The following RABGEF1 variants were observed in gnomAD, a reference collection of about 807,000 sequenced individuals.
RABGEF1 encodes RAB guanine nucleotide exchange factor 1, also known as rab5 GDP/GTP exchange factor.
A neutral mutation model predicts 57.3 loss-of-function variants in RABGEF1; 26 were observed. That is an observed-to-expected ratio of 0.45 (90% CI 0.33 to 0.63). The LOEUF (loss-of-function observed/expected upper bound fraction) is 0.63. RABGEF1 is among the 20% of genes least tolerant of loss of function. The pLI, the probability that RABGEF1 is intolerant of heterozygous loss-of-function variation, is 0.02. For synonymous variants in RABGEF1, 185 were observed against 210.7 expected (o/e 0.88, Z 1.06); for missense variants, 464 against 607.6 (o/e 0.76, Z 2.48).
intron 1 of RABGEF1, among the ~76,000 whole-genome samples, chr7:66,698,853 G>A (rs1009449500): frequency 6.6e-6 from 1 of 152,138 alleles, no homozygotes; most frequent in African/African-American, 2.4e-5. Flanking sequence ...TTCTAACCTC[G>A]GTTTTCCTCA....
At chr7:66,726,485 C>G (rs1796596076) in intron 2 of RABGEF1, among the ~76,000 whole-genome samples, 2 of 152,132 alleles carry the variant, frequency 1.3e-5, no homozygotes, top group African/African-American at 4.8e-5. Context: ...CCACCTCAGC[C>G]TCCAAGTAGC....
chr7:66,693,811 CT>C (rs534419507), intron 1 of RABGEF1, among the ~76,000 whole-genome samples: 324 of 141,650 alleles, frequency 2.3e-3, no homozygotes, highest in Middle Eastern at 3.6e-3. Flanking sequence ...CCTTTTTTTT[CT>C]TTTTTTTTTT....
the RABGEF1 span, among the ~76,000 whole-genome samples, chr7:66,655,644 A>G: frequency 6.6e-6 from 1 of 152,080 alleles, no homozygotes. Context: ...TGCTGGGATT[A>G]TAGGCGTCAG....
intron 1 of RABGEF1, among the ~76,000 whole-genome samples, chr7:66,757,357 T>G (rs1346181651): frequency 7.9e-5 from 12 of 152,250 alleles, no homozygotes; most frequent in Admixed American, 6.5e-5. Context: ...AATTCTTTTT[T>G]AAAGTTAGCC....
intron 3 of RABGEF1, 71 bp from the exon 4 acceptor site, chr7:66,783,604 A>G (rs1370895847): frequency 2.3e-6 from 3 of 1,299,232 alleles, no homozygotes; most frequent in Non-Finnish European, 3.1e-6. Context: ...ACCTTAGGTA[A>G]GATACTTAAA....
At chr7:66,657,564 A>C in the RABGEF1 span, among the ~76,000 whole-genome samples, 1 of 152,234 alleles carries the variant, frequency 6.6e-6, no homozygotes, top group African/African-American at 2.4e-5. Context: ...GCTCATGCCA[A>C]CATCCCAGTA....
At chr7:66,798,118 A>G (rs1032827190) in intron 6 of RABGEF1, among the ~76,000 whole-genome samples, 4 of 152,194 alleles carry the variant, frequency 2.6e-5, no homozygotes, top group Admixed American at 6.5e-5. Context: ...CTCCTTCTCA[A>G]AAAAATAACA....
chr7:66,764,951 T>C lies in RABGEF1; in HGVS notation c.-17-6932T>C, dbSNP rs562262945. Among the ~76,000 whole-genome samples, 75 of 152,348 alleles carry C rather than the reference T, an allele frequency of 4.9e-4. 1 individual carries two copies. The South Asian group carries it at 0.012, about 24-fold the overall frequency. On this transcript the variant is annotated intron_variant, in intron 1 of 8. Transcript: ENST00000284957. The stretch of plus-strand genomic sequence containing the variant: ...TTGGCCATTCTGGGCCCTTGTTATC[T>C]TCTGCATTTTAGAGTTCATGTGCTT...
upstream of RABGEF1, among the ~76,000 whole-genome samples, chr7:66,680,720 GT>G (rs1364652925): frequency 6.6e-6 from 1 of 152,134 alleles, no homozygotes; most frequent in Admixed American, 6.5e-5. Context: ...ACCAAGGCAG[GT>G]GGATGATTTG....
intron 1 of RABGEF1, among the ~76,000 whole-genome samples, chr7:66,699,519 C>T (rs1398943184): frequency 1.3e-5 from 2 of 152,072 alleles, no homozygotes; most frequent in East Asian, 3.9e-4. Context: ...GGTGAAACCC[C>T]GTCTCTACTA....
At chr7:66,658,007 C>T in the RABGEF1 span, among the ~76,000 whole-genome samples, 1 of 152,010 alleles carries the variant, frequency 6.6e-6, no homozygotes, top group African/African-American at 2.4e-5. Flanking sequence ...GTTTTTTTTA[C>T]AGTTCAGCAA....
chr7:66,682,088 T>A (rs1789807881), upstream of RABGEF1: 1 of 167,956 alleles, frequency 6.0e-6, no homozygotes, highest in African/African-American at 2.4e-5. Context: ...CGCCGTGCGT[T>A]ACGGGCGTGC....
chr7:66,722,199 T>G (rs1256511264), intron 2 of RABGEF1, among the ~76,000 whole-genome samples: 2 of 152,046 alleles, frequency 1.3e-5, no homozygotes, highest in African/African-American at 2.4e-5. Flanking sequence ...CCCAGCACTC[T>G]GGGGGGCTGT....
intron 1 of RABGEF1, among the ~76,000 whole-genome samples, chr7:66,685,153 C>CTTTTTT (rs545055892): frequency 1.7e-4 from 17 of 101,092 alleles, no homozygotes; most frequent in Non-Finnish European, 2.1e-4. Flanking sequence ...GGATTATTTG[C>CTTTTTT]TTTTTTTTTT....
At chr7:66,755,534 TA>T (rs1802509565) in intron 1 of RABGEF1, among the ~76,000 whole-genome samples, 1 of 152,134 alleles carries the variant, frequency 6.6e-6, no homozygotes, top group South Asian at 2.1e-4. Flanking sequence ...AGAGACCACC[TA>T]ATATGTTGCA....
At chr7:66,703,038 A>G (rs1311325474) in intron 1 of RABGEF1, among the ~76,000 whole-genome samples, 2 of 152,194 alleles carry the variant, frequency 1.3e-5, no homozygotes, top group Non-Finnish European at 2.9e-5. Context: ...CAGTGGTGCT[A>G]TCTCAACTTA....
chr7:66,672,073 C>A, the RABGEF1 span, among the ~76,000 whole-genome samples: 90 of 151,918 alleles, frequency 5.9e-4, no homozygotes, highest in African/African-American at 2.1e-3. Context: ...GCCTCAGACT[C>A]CCAAAGTGCT....
At chr7:66,682,656 C>G (rs1017448445) in intron 1 of RABGEF1, among the ~76,000 whole-genome samples, 1 of 152,160 alleles carries the variant, frequency 6.6e-6, no homozygotes, top group African/African-American at 2.4e-5. Flanking sequence ...AGGACCTCCC[C>G]GGAACGCGCC....
chr7:66,687,905 G>A (rs1790926299), intron 1 of RABGEF1, among the ~76,000 whole-genome samples: 1 of 152,040 alleles, frequency 6.6e-6, no homozygotes, highest in South Asian at 2.1e-4. Flanking sequence ...GACCAACATG[G>A]AGAAACCCTG....
Sources: allele counts gnomAD v4.1 joint callset (sites outside exome capture counted in the v4.1 genomes callset), GRCh38; gene constraint gnomAD v4.1.1; transcripts MANE v1.5; gene names NCBI Gene and HGNC (gene_info 2026-07-23, HGNC 2026-07-21).